Variants in GRIK2 observed in about 807,000 individuals in gnomAD.
GRIK2 encodes glutamate receptor ionotropic, kainate 2.
A neutral mutation model predicts 100.3 loss-of-function variants in GRIK2; 32 were observed. That is an observed-to-expected ratio of 0.32 (90% CI 0.24 to 0.43). GRIK2 has a LOEUF of 0.43. Among genes scored for constraint, GRIK2 ranks in the 20% least tolerant of loss-of-function variants. The pLI is 1.00. For synonymous variants in GRIK2, 417 were observed against 389.4 expected (o/e 1.07, Z -0.83); for missense variants, 843 against 1,114.9 (o/e 0.76, Z 3.47).
intron 14 of GRIK2, among the ~76,000 whole-genome samples, chr6:102,024,666 T>C (rs1018183968): frequency 1.3e-5 from 2 of 151,180 alleles, no homozygotes; most frequent in African/African-American, 4.8e-5. Context: ...GTATGTGGAG[T>C]GTGAAATACA....
At chr6:101,680,335 T>A (rs1771153472) in intron 5 of GRIK2, among the ~76,000 whole-genome samples, 1 of 152,164 alleles carries the variant, frequency 6.6e-6, no homozygotes, top group South Asian at 2.1e-4. Context: ...AATTTTAGAA[T>A]GCATGGAGTC....
intron 4 of GRIK2, among the ~76,000 whole-genome samples, chr6:101,652,202 T>G (rs1286910503): frequency 6.6e-6 from 1 of 152,120 alleles, no homozygotes; most frequent in Non-Finnish European, 1.5e-5. Context: ...ATATTGAAAC[T>G]CTCATCCCAG....
At chr6:101,898,781 A>G (rs1282408213) in intron 12 of GRIK2, among the ~76,000 whole-genome samples, 3 of 151,942 alleles carry the variant, frequency 2.0e-5, no homozygotes, top group Non-Finnish European at 4.4e-5. Context: ...CTCAAGTGGT[A>G]TTAGTATTGT....
intron 2 of GRIK2, among the ~76,000 whole-genome samples, chr6:101,432,132 C>T (rs1053321369): frequency 7.2e-5 from 11 of 152,284 alleles, no homozygotes; most frequent in African/African-American, 2.6e-4. Flanking sequence ...ATACCCCATG[C>T]TCTCATATTT....
chr6:101,536,295 G>A (rs1254778142), intron 2 of GRIK2, among the ~76,000 whole-genome samples: 10 of 151,464 alleles, frequency 6.6e-5, no homozygotes, highest in African/African-American at 2.2e-4. Context: ...TATTAAACCA[G>A]AAAAAAAGTA....
At chr6:101,678,088 G>T (rs1419950833) in intron 5 of GRIK2, among the ~76,000 whole-genome samples, 2 of 152,024 alleles carry the variant, frequency 1.3e-5, no homozygotes, top group Non-Finnish European at 2.9e-5. Context: ...GCTTGGAAAA[G>T]AGACCTTTCC....
chr6:101,474,823 C>T (rs4839797), intron 2 of GRIK2, among the ~76,000 whole-genome samples: 14,914 of 151,752 alleles, frequency 0.098, 781 homozygotes, highest in South Asian at 0.11. Flanking sequence ...AATTTGATTA[C>T]ATACCATAGT....
chr6:101,892,523 T>A (rs1189694223), intron 12 of GRIK2, among the ~76,000 whole-genome samples: 1 of 151,212 alleles, frequency 6.6e-6, no homozygotes. Context: ...ATGTACCAGT[T>A]TTTTTTTTAC....
At chr6:101,608,784 G>GGTGT (rs71689029) in intron 2 of GRIK2, among the ~76,000 whole-genome samples, 1,585 of 142,006 alleles carry the variant, frequency 0.011, 25 homozygotes, top group African/African-American at 0.039. Flanking sequence ...CTCATAGAGG[G>GGTGT]GTGTGTGTGT....
intron 10 of GRIK2, among the ~76,000 whole-genome samples, chr6:101,848,971 C>A (rs1454732655): frequency 2.0e-5 from 3 of 151,784 alleles, no homozygotes; most frequent in Non-Finnish European, 4.4e-5. Flanking sequence ...AGAAGAATAC[C>A]TTTTACCCAT....
At chr6:101,819,692 T>C (rs1472348230) in intron 10 of GRIK2, among the ~76,000 whole-genome samples, 3 of 152,218 alleles carry the variant, frequency 2.0e-5, no homozygotes, top group South Asian at 4.1e-4. Flanking sequence ...CTGATCTACA[T>C]GCCACTATGT....
intron 4 of GRIK2, among the ~76,000 whole-genome samples, chr6:101,628,930 T>G (rs534879384): frequency 6.6e-6 from 1 of 152,230 alleles, no homozygotes; most frequent in African/African-American, 2.4e-5. Context: ...TATGCACATG[T>G]GTGGCATTTT....
intron 2 of GRIK2, among the ~76,000 whole-genome samples, chr6:101,502,782 C>CA (rs1429536652): frequency 6.6e-6 from 1 of 152,040 alleles, no homozygotes; most frequent in East Asian, 1.9e-4. Flanking sequence ...TTTTCAATGG[C>CA]AAAAAACTTA....
At chr6:101,952,999 A>G (rs2128479866) in intron 14 of GRIK2, among the ~76,000 whole-genome samples, 1 of 152,346 alleles carries the variant, frequency 6.6e-6, no homozygotes, top group African/African-American at 2.4e-5. Context: ...GCTTCTGACT[A>G]TAAAACTTCT....
intron 14 of GRIK2, among the ~76,000 whole-genome samples, chr6:102,016,981 TAAAGA>T (rs1340530503): frequency 1.3e-5 from 2 of 152,082 alleles, no homozygotes; most frequent in Non-Finnish European, 2.9e-5. Flanking sequence ...TCAACATTCT[TAAAGA>T]AAAGAACTCC....
chr6:102,063,944 T>G, intron 16 of GRIK2: 3 of 1,220,596 alleles, frequency 2.5e-6, no homozygotes, highest in Non-Finnish European at 3.6e-6. Flanking sequence ...GCTCAAAGAT[T>G]TAAATTTTCA....
chr6:101,418,520 T>A (rs1776263710), intron 2 of GRIK2, among the ~76,000 whole-genome samples: 1 of 152,218 alleles, frequency 6.6e-6, no homozygotes, highest in South Asian at 2.1e-4. Context: ...TGCAAACGAT[T>A]GTCTTTTGTT....
intron 15 of GRIK2, among the ~76,000 whole-genome samples, chr6:102,043,720 G>A (rs754069209): frequency 1.3e-5 from 2 of 151,894 alleles, no homozygotes; most frequent in Non-Finnish European, 2.9e-5. Context: ...AATGAGTAAC[G>A]GAATGTGCAC....
chr6:101,904,839 T>C (rs1031426348), intron 12 of GRIK2, among the ~76,000 whole-genome samples: 6 of 151,532 alleles, frequency 4.0e-5, no homozygotes, highest in African/African-American at 1.4e-4. Context: ...ATCTATTCTT[T>C]ATAAATGATC....
Sources: allele counts gnomAD v4.1 joint callset (sites outside exome capture counted in the v4.1 genomes callset), GRCh38; gene constraint gnomAD v4.1.1; transcripts MANE v1.5; gene names NCBI Gene and HGNC (gene_info 2026-07-23, HGNC 2026-07-21).